Variants in IMMP2L observed in about 807,000 individuals in gnomAD.
IMMP2L encodes the protein inner mitochondrial membrane peptidase subunit 2.
A neutral mutation model predicts 19.3 loss-of-function variants in IMMP2L; 18 were observed. The observed-to-expected ratio is 0.93, with a 90% CI of 0.64 to 1.38. The LOEUF is 1.38. IMMP2L is among the 40% of genes most tolerant of loss of function. The pLI is 0.00. For missense variants in IMMP2L, 233 were observed against 218.2 expected (o/e 1.07, Z -0.43); for synonymous variants, 76 against 73.0 (o/e 1.04, Z -0.21).
At chr7:111,451,395 A>T (rs955115015) in intron 3 of IMMP2L, among the ~76,000 whole-genome samples, 2 of 150,744 alleles carry the variant, frequency 1.3e-5, no homozygotes, top group African/African-American at 4.9e-5. Context: ...AAAAATGATG[A>T]GTTCATGTCC....
At chr7:110,684,823 T>C (rs4730447) in intron 5 of IMMP2L, among the ~76,000 whole-genome samples, 61,857 of 151,882 alleles carry the variant, frequency 0.41, 15,615 homozygotes, top group East Asian at 0.75. Context: ...GAACAAGATA[T>C]GCGTGCAGCA....
intron 4 of IMMP2L, among the ~76,000 whole-genome samples, chr7:110,957,783 G>A (rs143068314): frequency 1.3e-5 from 2 of 151,952 alleles, no homozygotes; most frequent in East Asian, 3.9e-4. Flanking sequence ...CTTAATTCAT[G>A]AGTCTCTTCA....
At chr7:111,404,876 G>A (rs935062823) in intron 3 of IMMP2L, among the ~76,000 whole-genome samples, 4 of 152,026 alleles carry the variant, frequency 2.6e-5, no homozygotes, top group African/African-American at 9.7e-5. Context: ...CACTTCTGGT[G>A]TCTGAACTCC....
intron 3 of IMMP2L, among the ~76,000 whole-genome samples, chr7:111,324,732 C>T (rs1014903306): frequency 2.0e-5 from 3 of 151,740 alleles, no homozygotes; most frequent in Non-Finnish European, 2.9e-5. Context: ...TCAATATCAA[C>T]CAATATCAAC....
At chr7:111,370,668 T>C (rs183595885) in intron 3 of IMMP2L, among the ~76,000 whole-genome samples, 3 of 152,038 alleles carry the variant, frequency 2.0e-5, no homozygotes, top group Admixed American at 2.0e-4. Context: ...ATCCCGTTTC[T>C]CTAAATTCAC....
intron 3 of IMMP2L, among the ~76,000 whole-genome samples, chr7:111,342,699 ATATAAT>A (rs1827143089): frequency 6.6e-6 from 1 of 152,090 alleles, no homozygotes; most frequent in Non-Finnish European, 1.5e-5. Context: ...AATTACGCAA[ATATAAT>A]TATATATAAT....
intron 5 of IMMP2L, among the ~76,000 whole-genome samples, chr7:110,807,160 AT>A (rs1169067993): frequency 6.6e-6 from 1 of 151,976 alleles, no homozygotes; most frequent in Non-Finnish European, 1.5e-5. Flanking sequence ...AATTTTCTAC[AT>A]TCCTTGTATG....
intron 2 of IMMP2L, among the ~76,000 whole-genome samples, chr7:111,517,082 G>A (rs1174797205): frequency 6.6e-6 from 1 of 151,460 alleles, no homozygotes; most frequent in Non-Finnish European, 1.5e-5. Context: ...AATGACTGTT[G>A]AGTATTATTA....
intron 3 of IMMP2L, among the ~76,000 whole-genome samples, chr7:110,975,222 TAAG>T (rs1471665712): frequency 6.6e-6 from 1 of 152,030 alleles, no homozygotes; most frequent in Non-Finnish European, 1.5e-5. Context: ...TCTATAGAAA[TAAG>T]AAGACAAAAT....
intron 1 of IMMP2L, among the ~76,000 whole-genome samples, chr7:111,531,651 A>G (rs1389568241): frequency 6.6e-6 from 1 of 152,200 alleles, no homozygotes; most frequent in Non-Finnish European, 1.5e-5. Context: ...TTGGATTTCA[A>G]CACTGTACTT....
rs11972542 is a variant in IMMP2L at position 111,460,105 on chromosome 7, C to G, written c.239+27133G>C. ...TCAGCTGTGTGGGCTGAGATGTCAC[C>G]TTAGCATGAGGGTCAAAGGAGTACA... On this transcript the variant is annotated intron_variant, in intron 3 of 5. Transcript: ENST00000405709. Among the ~76,000 whole-genome samples the G allele has an allele frequency of 1.8e-3, 280 of 152,172 alleles. 3 individuals are homozygous for G. Among genetic ancestry groups the G allele is most frequent in the African/African-American group, 6.4e-3 (265 of 41,530 alleles).
chr7:111,121,188 CT>C (rs1021714465), intron 3 of IMMP2L, among the ~76,000 whole-genome samples: 30 of 152,260 alleles, frequency 2.0e-4, no homozygotes, highest in African/African-American at 7.2e-4. Flanking sequence ...CCTTCGCCCA[CT>C]TTTTGATGGG....
chr7:111,171,002 A>G (rs1162372160), intron 3 of IMMP2L, among the ~76,000 whole-genome samples: 4 of 151,864 alleles, frequency 2.6e-5, no homozygotes, highest in Admixed American at 6.6e-5. Flanking sequence ...TTATATGAAT[A>G]GTTCTAATTG....
chr7:111,066,154 T>C (rs538535360), intron 3 of IMMP2L, among the ~76,000 whole-genome samples: 1 of 152,026 alleles, frequency 6.6e-6, no homozygotes, highest in Non-Finnish European at 1.5e-5. Context: ...AATTTTTGTA[T>C]TTTTTAAAAG....
At chr7:111,489,766 G>C (rs1842942948) in intron 2 of IMMP2L, among the ~76,000 whole-genome samples, 1 of 152,066 alleles carries the variant, frequency 6.6e-6, no homozygotes, top group Non-Finnish European at 1.5e-5. Flanking sequence ...CTCCTTTAGT[G>C]ATAATACCTA....
At chr7:110,674,184 C>T (rs1792123969) in intron 5 of IMMP2L, among the ~76,000 whole-genome samples, 1 of 152,198 alleles carries the variant, frequency 6.6e-6, no homozygotes, top group East Asian at 1.9e-4. Context: ...ATGGCAGCAG[C>T]AAGGAGAAAT....
At chr7:111,163,286 G>C (rs1205628259) in intron 3 of IMMP2L, among the ~76,000 whole-genome samples, 1 of 151,984 alleles carries the variant, frequency 6.6e-6, no homozygotes, top group African/African-American at 2.4e-5. Context: ...AACCCACGTG[G>C]CTTCATCACA....
chr7:111,370,302 A>G (rs1431979067), intron 3 of IMMP2L, among the ~76,000 whole-genome samples: 1 of 151,958 alleles, frequency 6.6e-6, no homozygotes, highest in Non-Finnish European at 1.5e-5. Flanking sequence ...CCCTCCAGTA[A>G]TAACATGAAT....
intron 4 of IMMP2L, among the ~76,000 whole-genome samples, chr7:110,938,046 C>T (rs1379950626): frequency 5.3e-5 from 8 of 152,160 alleles, no homozygotes; most frequent in Admixed American, 5.2e-4. Context: ...TCACACCTTC[C>T]TCCCAGGCCT....
Sources: allele counts gnomAD v4.1 joint callset (sites outside exome capture counted in the v4.1 genomes callset), GRCh38; gene constraint gnomAD v4.1.1; transcripts MANE v1.5; gene names NCBI Gene and HGNC (gene_info 2026-07-23, HGNC 2026-07-21).